AREG: variants seen among roughly 807,000 people sequenced by gnomAD.
AREG encodes the protein amphiregulin B.
AREG carries 16 observed loss-of-function variants against 28.0 expected under a neutral mutation model. That is an observed-to-expected ratio of 0.57 (90% CI 0.39 to 0.87). The LOEUF (loss-of-function observed/expected upper bound fraction) is 0.87, where lower values mean the gene tolerates loss of function less well. AREG is among the 40% of genes least tolerant of loss of function. The pLI, the probability that AREG is intolerant of heterozygous loss-of-function variation, is 0.00. For synonymous variants in AREG, 113 were observed against 113.5 expected (o/e 1.00, Z 0.02); for missense variants, 287 against 309.1 (o/e 0.93, Z 0.53).
intron 2 of AREG, 22 bp from the exon 3 acceptor site, chr4:74,449,025 C>T: frequency 1.2e-6 from 2 of 1,605,792 alleles, no homozygotes; most frequent in Non-Finnish European, 8.5e-7. Flanking sequence ...AGACTCTTGT[C>T]AATAAATCTT....
chr4:74,449,103 A>G lies in AREG; in HGVS notation c.367A>G (p.Lys123Glu). ...GACGGAAAGTGAAAATACTTCAGAT[A>G]AACCCAAAAGAAAGAAAAAGGGAGG... ...NKTESENTSD[K>E]PKRKKKGGKN... Residue 123 changes from lysine (K) to glutamate (E), a missense_variant, in exon 3 of 6, where the codon AAA becomes GAA. Coordinates refer to ENST00000395748, the MANE Select transcript of AREG (RefSeq NM_001657.4). 1 of 1,612,414 alleles carries G rather than the reference A, an allele frequency of 6.2e-7. No homozygotes were observed. Among genetic ancestry groups the G allele is most frequent in the Non-Finnish European group, 8.5e-7 (1 of 1,179,696 alleles).
At position 74,449,267 on chromosome 4, in the gene AREG, T is replaced by C. The variant is rs373742906; in HGVS notation, c.512+19T>C. The C allele has an allele frequency of 3.1e-6, 5 of 1,613,438 alleles. No homozygotes were observed. The highest frequency in any genetic ancestry group is 1.3e-5 in the African/African-American group (1 of 74,852). Reference sequence around the variant, plus strand: ...CATGCAAGTAAGTTTTCCTAAAGCATATAGAATTTTGTATTTCTAGCACCA... The same window carrying C: ...CATGCAAGTAAGTTTTCCTAAAGCACATAGAATTTTGTATTTCTAGCACCA... On this transcript the variant is annotated intron_variant, in intron 3 of 5. Transcript: ENST00000395748.
At chr4:74,452,488 T>C (rs932874321) in intron 4 of AREG, 56 bp from the exon 5 acceptor site, 62 of 1,606,918 alleles carry the variant, frequency 3.9e-5, no homozygotes, top group Middle Eastern at 3.3e-4. Context: ...AAAACCCCAA[T>C]CAAACATATA....
intron 3 of AREG, among the ~76,000 whole-genome samples, chr4:74,449,814 C>G (rs1056131265): frequency 6.6e-6 from 1 of 151,782 alleles, no homozygotes; most frequent in Non-Finnish European, 1.5e-5. Flanking sequence ...TTTAACAAAA[C>G]AAAAAAGCAG....
intron 4 of AREG, among the ~76,000 whole-genome samples, chr4:74,451,360 A>G (rs1004494906): frequency 5.9e-5 from 9 of 152,212 alleles, no homozygotes; most frequent in Non-Finnish European, 8.8e-5. Context: ...CTCATGTGCT[A>G]CTAGAGCTTG....
chr4:74,452,523 A>G (rs1333617729), intron 4 of AREG, 21 bp from the exon 5 acceptor site: 3 of 1,613,142 alleles, frequency 1.9e-6, no homozygotes, highest in African/African-American at 1.3e-5. Flanking sequence ...TGATAACATT[A>G]GAATGCCTTG....
chr4:74,446,039 TATCTTTTAAAAATATGAACAC>T (rs1198923911), intron 1 of AREG, among the ~76,000 whole-genome samples: 36,634 of 151,626 alleles, frequency 0.24, 4,811 homozygotes, highest in Admixed American at 0.38. Context: ...CTTTTAAAAA[TATCTTTTAAAAATATGAACAC>T]ATCTTTTAAA....
intron 3 of AREG, among the ~76,000 whole-genome samples, chr4:74,450,022 T>G (rs1022392611): frequency 2.0e-5 from 3 of 152,078 alleles, no homozygotes; most frequent in Non-Finnish European, 4.4e-5. Flanking sequence ...TTGCATAATC[T>G]TTCACATTGT....
intron 2 of AREG, 114 bp downstream of exon 2, chr4:74,446,896 G>T (rs1719300476): frequency 1.4e-6 from 2 of 1,438,998 alleles, no homozygotes; most frequent in African/African-American, 1.5e-5. Flanking sequence ...TTGTATATCT[G>T]TTGGATAGCC....
At chr4:74,454,561 T>C (rs1360199611) in intron 5 of AREG, among the ~76,000 whole-genome samples, 198 bp from the exon 6 acceptor site, 1 of 152,108 alleles carries the variant, frequency 6.6e-6, no homozygotes, top group Admixed American at 6.6e-5. Context: ...AAAGCAAGTG[T>C]GAAAGAGGAA....
chr4:74,449,338 A>G (rs1719343775), intron 3 of AREG, 90 bp downstream of exon 3: 3 of 1,590,246 alleles, frequency 1.9e-6, no homozygotes, highest in Admixed American at 1.8e-5. Flanking sequence ...TTTCCAATGT[A>G]TAAACCAAGG....
chr4:74,445,622 C>A (rs1024081704), intron 1 of AREG, among the ~76,000 whole-genome samples: 2 of 152,176 alleles, frequency 1.3e-5, no homozygotes, highest in East Asian at 1.9e-4. Flanking sequence ...TGTACTTTTT[C>A]TTTAGTTCAG....
intron 3 of AREG, 99 bp from the exon 4 acceptor site, chr4:74,450,281 T>G (rs1719360610): frequency 5.6e-6 from 9 of 1,593,778 alleles, no homozygotes; most frequent in African/African-American, 1.3e-5. Context: ...ATAACTTTTT[T>G]AATGTTGGAA....
chr4:74,448,269 T>A (rs1249854240), intron 2 of AREG, among the ~76,000 whole-genome samples: 1 of 152,226 alleles, frequency 6.6e-6, no homozygotes, highest in African/African-American at 2.4e-5. Context: ...CATAACCACC[T>A]CTTAAACATT....
At chr4:74,449,834 G>A (rs1719351940) in intron 3 of AREG, among the ~76,000 whole-genome samples, 1 of 151,786 alleles carries the variant, frequency 6.6e-6, no homozygotes, top group Admixed American at 6.6e-5. Context: ...GCAAATGGCT[G>A]GATTTGATCC....
At position 74,454,871 on chromosome 4, in the gene AREG, A is replaced by G. The variant is rs1316219834; in HGVS notation, c.*131A>G. The stretch of plus-strand genomic sequence containing the variant: ...TTGTTATGATGGTTTTAAACTTTCA[A>G]TTGTCACTTTTTATGCTATTTCTGT... On this transcript the variant is annotated 3_prime_UTR_variant, in exon 6 of 6. Transcript: ENST00000395748. The G allele has an allele frequency of 1.0e-5, 7 of 699,190 alleles. No individual in the cohort carries two copies. The highest frequency in any genetic ancestry group is 3.5e-5 in the African/African-American group (2 of 57,184). The allele number at this position is 699,190 out of a possible 1,614,324, so 43.3% of individuals were successfully genotyped here. A position where few individuals can be genotyped will look rare whatever the true frequency, so the allele number is the denominator to read the frequency against.
intron 2 of AREG, among the ~76,000 whole-genome samples, chr4:74,447,062 C>T (rs945019806): frequency 6.6e-6 from 1 of 152,032 alleles, no homozygotes; most frequent in African/African-American, 2.4e-5. Context: ...TAACTGAAGC[C>T]GAAAAAGGTT....
At chr4:74,448,484 A>G (rs1379382342) in intron 2 of AREG, among the ~76,000 whole-genome samples, 1 of 152,204 alleles carries the variant, frequency 6.6e-6, no homozygotes, top group African/African-American at 2.4e-5. Context: ...TGTTTGCTAA[A>G]TATTCACTTG....
At chr4:74,451,069 A>C (rs1333234109) in intron 4 of AREG, among the ~76,000 whole-genome samples, 1 of 152,230 alleles carries the variant, frequency 6.6e-6, no homozygotes, top group African/African-American at 2.4e-5. Context: ...GCTTATGCTT[A>C]TTTTGTTACT....
Sources: allele counts gnomAD v4.1 joint callset (sites outside exome capture counted in the v4.1 genomes callset), GRCh38; gene constraint gnomAD v4.1.1; transcripts MANE v1.5; gene names NCBI Gene and HGNC (gene_info 2026-07-23, HGNC 2026-07-21).